Variants in XIRP2 observed in about 807,000 individuals in gnomAD.
XIRP2 encodes the protein xin actin binding repeat containing 2.
Under a neutral mutation model 277.0 loss-of-function variants are expected in XIRP2, and 236 were observed. The observed-to-expected ratio is 0.85, with a 90% CI of 0.77 to 0.95. XIRP2 has a LOEUF of 0.95. Among genes scored for constraint, XIRP2 ranks in the 40% least tolerant of loss-of-function variants. XIRP2 has a pLI of 0.00. For missense variants in XIRP2, 4,640 were observed against 4,157.5 expected, an observed-to-expected ratio of 1.12 and a Z score of -3.19; for synonymous variants, 1,490 against 1,416.5, an observed-to-expected ratio of 1.05 and a Z score of -1.17.
chr2:166,972,004 G>C (rs974171906), intron 2 of XIRP2, among the ~76,000 whole-genome samples: 1 of 152,084 alleles, frequency 6.6e-6, no homozygotes, highest in Non-Finnish European at 1.5e-5. Context: ...AAACTCCTAT[G>C]TTGAGGTCCT....
At chr2:166,954,737 C>T (rs781764065) in intron 2 of XIRP2, among the ~76,000 whole-genome samples, 59 of 151,940 alleles carry the variant, frequency 3.9e-4, no homozygotes, top group Middle Eastern at 3.4e-3. Flanking sequence ...ACTACGCAGT[C>T]GTGAAAAGGA....
chr2:167,218,401 C>A, intron 5 of XIRP2, 101 bp downstream of exon 5: 1 of 1,096,798 alleles, frequency 9.1e-7, no homozygotes, highest in Non-Finnish European at 1.2e-6. Context: ...CATTTATTTT[C>A]ATTACTCATT....
chr2:167,193,902 TC>T (rs1319714639), intron 3 of XIRP2, among the ~76,000 whole-genome samples: 1 of 135,596 alleles, frequency 7.4e-6, no homozygotes. Context: ...AAAAAAAAAT[TC>T]AGTGAGATAC....
At chr2:167,046,088 T>A (rs1215653794) in intron 2 of XIRP2, among the ~76,000 whole-genome samples, 1 of 152,060 alleles carries the variant, frequency 6.6e-6, no homozygotes, top group Non-Finnish European at 1.5e-5. Flanking sequence ...CCTTGTTACC[T>A]GTATTCCTAG....
chr2:166,892,018 C>T (rs775318983), intron 1 of XIRP2, among the ~76,000 whole-genome samples: 6 of 152,076 alleles, frequency 3.9e-5, no homozygotes, highest in Non-Finnish European at 7.4e-5. Flanking sequence ...TCACAATCTT[C>T]GTCTGTTCTG....
At chr2:167,129,811 G>A (rs1191234161) in intron 2 of XIRP2, among the ~76,000 whole-genome samples, 2 of 150,636 alleles carry the variant, frequency 1.3e-5, no homozygotes, top group Non-Finnish European at 3.0e-5. Flanking sequence ...CAGAGATTGT[G>A]GTGAGCTGAG....
At chr2:167,023,936 C>T (rs559441270) in intron 2 of XIRP2, among the ~76,000 whole-genome samples, 7 of 152,084 alleles carry the variant, frequency 4.6e-5, no homozygotes, top group Non-Finnish European at 7.4e-5. Context: ...CTTGGTGATG[C>T]GGGCTCTTTT....
chr2:166,973,126 A>C (rs1246704844), intron 2 of XIRP2, among the ~76,000 whole-genome samples: 1 of 152,134 alleles, frequency 6.6e-6, no homozygotes, highest in African/African-American at 2.4e-5. Context: ...ACTCCTTTTC[A>C]TAAGTTTTTC....
Position 167,246,024 on chromosome 2 carries a change from G to T in XIRP2, c.4632G>T (p.Lys1544Asn), listed in dbSNP as rs1039994813. 1 of 1,613,218 alleles carries T rather than the reference G, an allele frequency of 6.2e-7. No individual in the cohort carries two copies. Among genetic ancestry groups the T allele is most frequent in the African/African-American group, 1.3e-5 (1 of 74,926 alleles). ...AATTTAATGAAACTAGAGTAGAAAA[G>T]ATAGAAATTATTGGCAAGAGCATTA... ...LHEFNETRVE[K>N]IEIIGKSIKE... The change falls in exon 9 of 11, where the codon AAG becomes AAT. Residue 1544 changes from lysine to asparagine, a missense_variant. Physicochemically the swap from Lys to Asn is moderately conservative, Grantham distance 94. Transcript: ENST00000409195.
At chr2:166,974,397 G>A (rs561473207) in intron 2 of XIRP2, among the ~76,000 whole-genome samples, 10 of 152,016 alleles carry the variant, frequency 6.6e-5, no homozygotes, top group Admixed American at 2.0e-4. Context: ...TTTTTTCCTC[G>A]TATATCTTTA....
intron 10 of XIRP2, among the ~76,000 whole-genome samples, chr2:167,254,547 T>A (rs1262663247): frequency 6.6e-6 from 1 of 151,894 alleles, no homozygotes; most frequent in African/African-American, 2.4e-5. Flanking sequence ...CAGGCCGTAC[T>A]GCTTCTGTCA....
At chr2:167,038,396 C>T (rs926401518) in intron 2 of XIRP2, among the ~76,000 whole-genome samples, 16 of 151,612 alleles carry the variant, frequency 1.1e-4, no homozygotes, top group Admixed American at 9.9e-4. Flanking sequence ...TATGCTTTAT[C>T]TGTATTTCAT....
intron 2 of XIRP2, among the ~76,000 whole-genome samples, chr2:166,961,133 G>C (rs1686286077): frequency 1.3e-5 from 2 of 151,692 alleles, no homozygotes; most frequent in African/African-American, 4.8e-5. Flanking sequence ...TTTTTGCAGA[G>C]AGCAGAATTA....
chr2:167,027,846 T>G (rs1688217300), intron 2 of XIRP2, among the ~76,000 whole-genome samples: 1 of 152,052 alleles, frequency 6.6e-6, no homozygotes, highest in Middle Eastern at 3.2e-3. Flanking sequence ...GAATTCAAAT[T>G]TCATTAGTAC....
intron 2 of XIRP2, among the ~76,000 whole-genome samples, chr2:166,994,688 C>CAA (rs572251724): frequency 0.048 from 5,132 of 107,450 alleles, 223 homozygotes; most frequent in East Asian, 0.11. Context: ...CTCAGTCTAT[C>CAA]AAAAAAAAAA....
intron 2 of XIRP2, among the ~76,000 whole-genome samples, chr2:166,997,905 CAA>C (rs200585621): frequency 4.5e-5 from 6 of 133,458 alleles, no homozygotes; most frequent in Admixed American, 7.5e-5. Context: ...GACTCCATCT[CAA>C]AAAAAAAAAA....
At chr2:167,006,026 T>A (rs1007477261) in intron 2 of XIRP2, among the ~76,000 whole-genome samples, 5 of 151,782 alleles carry the variant, frequency 3.3e-5, no homozygotes, top group Non-Finnish European at 1.5e-5. Context: ...TTATTTAAGA[T>A]CATTTACTTT....
chr2:167,244,050 A>T lies in XIRP2; in HGVS notation c.2658A>T (p.Ala886=), dbSNP rs1406052907. 1.4e-5 allele frequency: 23 copies of T among 1,613,828 alleles called. No individual in the cohort carries two copies. The highest frequency in any genetic ancestry group is 1.9e-5 in the Non-Finnish European group (23 of 1,179,932). Residue 886 remains alanine, a synonymous_variant, in exon 9 of 11, where the codon GCA becomes GCT. Coordinates refer to ENST00000409195, the MANE Select transcript of XIRP2 (RefSeq NM_152381.6). The part of the protein sequence containing the change: ...KHLFETLPIE[A]LKDSPDIGKL... ...TATTTGAAACACTTCCAATTGAAGC[A>T]TTAAAAGACAGTCCTGATATAGGAA...
rs776291559 is a variant in XIRP2 at position 167,258,876 on chromosome 2, C to G, written c.*1059C>G. On this transcript the variant is annotated 3_prime_UTR_variant, in exon 11 of 11. Coordinates refer to ENST00000409195, the MANE Select transcript of XIRP2 (RefSeq NM_152381.6). Reference sequence around the variant, plus strand: ...AAGACTTATTCGAGGAATGTACTAGCAATGGCTCTGAAGAAACAGACTGAC... The same window carrying G: ...AAGACTTATTCGAGGAATGTACTAGGAATGGCTCTGAAGAAACAGACTGAC... 6.2e-7 allele frequency: 1 copy of G among 1,613,234 alleles called. No homozygotes were observed. The highest frequency in any genetic ancestry group is 2.2e-5 in the East Asian group (1 of 44,806).
Sources: allele counts gnomAD v4.1 joint callset (sites outside exome capture counted in the v4.1 genomes callset), GRCh38; gene constraint gnomAD v4.1.1; transcripts MANE v1.5; gene names NCBI Gene and HGNC (gene_info 2026-07-23, HGNC 2026-07-21).